Variants in PDP1 observed in about 807,000 individuals in gnomAD.
The protein encoded by PDP1 is pyruvate dehydrogenase phosphatase catalytic subunit 1.
PDP1 carries 14 observed loss-of-function variants against 37.1 expected under a neutral mutation model. The observed-to-expected ratio is 0.38, with a 90% CI of 0.25 to 0.59. The LOEUF (loss-of-function observed/expected upper bound fraction) is 0.59, where lower values mean the gene tolerates loss of function less well. Ranked by LOEUF, PDP1 falls within the 20% of genes least tolerant of loss-of-function variation. The pLI is 0.67. For missense variants in PDP1, 544 were observed against 655.3 expected (o/e 0.83, Z 1.85); for synonymous variants, 251 against 243.3 (o/e 1.03, Z -0.29).
chr8:93,920,338 A>G (rs562941501), intron 1 of PDP1, among the ~76,000 whole-genome samples: 44 of 152,258 alleles, frequency 2.9e-4, no homozygotes, highest in African/African-American at 1.0e-3. Flanking sequence ...ACATGCTATG[A>G]TATTTGTTTA....
At chr8:93,917,733 C>A in intron 1 of PDP1, 4 of 1,345,658 alleles carry the variant, frequency 3.0e-6, no homozygotes, top group Admixed American at 2.0e-5. Flanking sequence ...CTCTTCCCCC[C>A]CACCTCCCAG....
rs1345469029 is a variant in PDP1, at chr8:93,917,867, C to T, written c.-45+788C>T. 3.1e-6 allele frequency: 5 copies of T among 1,613,800 alleles called. No homozygotes were observed. The South Asian group carries it at 3.3e-5, about 11-fold the overall frequency. On this transcript the variant is annotated intron_variant, in intron 1 of 1. Transcript: ENST00000297598. ...CCGGTGCTGCTGTCGCTGCTGCTGC[C>T]CGCGCGGGTTGTGGATGTTGTCGGC... is the stretch of plus-strand genomic sequence containing the variant.
At position 93,923,529 on chromosome 8, in the gene PDP1, C is replaced by T. The variant is rs768875523; in HGVS notation, c.1470C>T (p.Asn490=). The T allele has an allele frequency of 2.1e-5, 34 of 1,608,216 alleles. No individual in the cohort carries two copies. The highest frequency in any genetic ancestry group is 1.6e-4 in the South Asian group (15 of 90,990). ...THLIRHAVGN[N]EFGTVDHERL... is the part of the protein sequence containing the mutation. ...TCATTCGCCACGCTGTGGGCAACAA[C>T]GAGTTTGGGACTGTTGATCATGAGC... Residue 490 remains asparagine, a synonymous_variant, in exon 2 of 2, where the codon AAC becomes AAT. Transcript: ENST00000297598. This position sits in a 1 kb window ranked among gnomAD's most constrained non-coding sequence, Gnocchi z 4.3.
chr8:93,923,236 C>T lies in PDP1; in HGVS notation c.1177C>T (p.Pro393Ser). ...KFIPPNYHTPPYLTAEPEVTY... is the reference protein window; with the variant it reads ...KFIPPNYHTPSYLTAEPEVTY... ...TATTCCTCCTAATTATCACACACCTCCTTATCTCACTGCTGAGCCAGAGGT... is the reference window on the plus strand; with the variant it reads ...TATTCCTCCTAATTATCACACACCTTCTTATCTCACTGCTGAGCCAGAGGT... The change falls in exon 2 of 2, where the codon CCT becomes TCT. Residue 393 changes from proline to serine, a missense_variant. Physicochemically the swap from Pro to Ser is moderately conservative, Grantham distance 74. Around this residue, in one of 5 missense-constraint regions of PDP1, gnomAD observed 35 missense variants for 36.1 expected, o/e 0.97. Transcript: ENST00000297598. This position sits in a 1 kb window ranked among gnomAD's most constrained non-coding sequence, Gnocchi z 4.3. 8 of 1,614,180 alleles carry T rather than the reference C, an allele frequency of 5.0e-6. No homozygotes were observed. Among genetic ancestry groups the T allele is most frequent in the South Asian group, 1.1e-5 (1 of 91,084 alleles).
At position 93,924,976 on chromosome 8, in the gene PDP1, ATTT is replaced by A. The variant is rs1231397713; in HGVS notation, c.*1305_*1307del. Reference sequence around the variant, plus strand: ...GGCTTTTTGATATGCATCAAGTGGCATTTTGTTCCTGTGTTTAATAGTGATCTG... The same window carrying A: ...GGCTTTTTGATATGCATCAAGTGGCATGTTCCTGTGTTTAATAGTGATCTG... On this transcript the variant is annotated 3_prime_UTR_variant, in exon 2 of 2. Transcript: ENST00000297598. 6.0e-6 allele frequency: 1 copy of A among 167,024 alleles called. No individual in the cohort carries two copies. The highest frequency in any genetic ancestry group is 2.4e-5 in the African/African-American group (1 of 41,458). The allele number at this position is 167,024 out of a possible 1,614,324, so 10.3% of individuals were successfully genotyped here.
intron 1 of PDP1, chr8:93,917,866 C>T: frequency 1.2e-6 from 2 of 1,613,776 alleles, no homozygotes; most frequent in South Asian, 1.1e-5. Context: ...GCTGCTGCTG[C>T]CCGCGCGGGT....
At chr8:93,919,098 T>C (rs1810177821) in intron 1 of PDP1, 1 of 964,728 alleles carries the variant, frequency 1.0e-6, no homozygotes, top group African/African-American at 1.8e-5. Context: ...ATCTCAAGAA[T>C]TTTTGCCTTG....
At position 93,924,394 on chromosome 8, in the gene PDP1, T is replaced by C. The variant is rs1264132201; in HGVS notation, c.*721T>C. 6.0e-6 allele frequency: 1 copy of C among 167,012 alleles called. No individual in the cohort carries two copies. Among genetic ancestry groups the C allele is most frequent in the Non-Finnish European group, 1.5e-5 (1 of 68,118 alleles). The allele number at this position is 167,012 out of a possible 1,614,324, so 10.3% of individuals were successfully genotyped here. On this transcript the variant is annotated 3_prime_UTR_variant, in exon 2 of 2. Transcript: ENST00000297598. ...AAGTTAAAGAAAGAAAAAAAGATTT[T>C]TTTATTTGTATTAATGAAAAGCTTT...
In PDP1 at chr8:93,923,482, G is replaced by A. The variant is rs749959908; in HGVS notation, c.1423G>A (p.Asp475Asn). 6 of 1,603,522 alleles carry A rather than the reference G, an allele frequency of 3.7e-6. No homozygotes were observed. The highest frequency in any genetic ancestry group is 3.4e-6 in the Non-Finnish European group (4 of 1,171,896). Residue 475 changes from aspartate (D) to asparagine (N), a missense_variant, in exon 2 of 2, where the codon GAT becomes AAT. By Grantham distance (23) the Asp-to-Asn change is conservative. Around this residue, in one of 5 missense-constraint regions of PDP1, gnomAD observed 159 missense variants for 165.5 expected, o/e 0.96. Coordinates refer to ENST00000297598, the MANE Select transcript of PDP1 (RefSeq NM_018444.4). This position sits in a 1 kb window ranked among gnomAD's most constrained non-coding sequence, Gnocchi z 4.3. ...AACCAAAATGTCCTCGGTATTTGAGGATCAGAACGCAGCAACCCATCTCAT... is the reference window on the plus strand; with the variant it reads ...AACCAAAATGTCCTCGGTATTTGAGAATCAGAACGCAGCAACCCATCTCAT... ...RRTKMSSVFE[D>N]QNAATHLIRH...
In PDP1 at chr8:93,922,396, G is replaced by T; in HGVS notation, c.337G>T (p.Asp113Tyr). 1 of 1,614,140 alleles carries T rather than the reference G, an allele frequency of 6.2e-7. No homozygotes were observed. The highest frequency in any genetic ancestry group is 1.1e-5 in the South Asian group (1 of 91,054). Reference protein sequence around the residue: ...GKNVSSILGFDSNQLPANAPI... With the variant: ...GKNVSSILGFYSNQLPANAPI... ...AAATGTCAGTTCTATCCTTGGATTT[G>T]ACAGCAATCAGCTGCCTGCAAATGC... Residue 113 changes from aspartate (D) to tyrosine (Y), a missense_variant, in exon 2 of 2, where the codon GAC becomes TAC. This residue lies in a region of PDP1 where 342 missense variants were observed against 414.0 expected (regional missense o/e 0.83). Coordinates refer to ENST00000297598, the MANE Select transcript of PDP1 (RefSeq NM_018444.4). The surrounding 1 kb of genome is among the most constrained non-coding windows in gnomAD (Gnocchi z 4.0).
Position 93,917,029 on chromosome 8 carries a change from T to C in PDP1, c.-95T>C, listed in dbSNP as rs768510527. On this transcript the variant is annotated 5_prime_UTR_variant, in exon 1 of 2. Coordinates refer to ENST00000297598, the MANE Select transcript of PDP1 (RefSeq NM_018444.4). ...GAAAGAGCGCCGAGCGGTGGCGTCG[T>C]TGTCGCCCCCTCCTCGTCGGGAAGA... 4.2e-6 allele frequency: 2 copies of C among 477,816 alleles called. No homozygotes were observed. The highest frequency in any genetic ancestry group is 2.1e-5 in the Admixed American group (1 of 46,538). The allele number at this position is 477,816 out of a possible 1,614,324, so 29.6% of individuals were successfully genotyped here. A position where few individuals can be genotyped will look rare whatever the true frequency, so the allele number is the denominator to read the frequency against.
At position 93,916,996 on chromosome 8, in the gene PDP1, G is replaced by T. The variant is rs527903830; in HGVS notation, c.-128G>T. ...GCTCGCGCTCCGGGAGCTGCACGGG[G>T]CTGCGTGGAAAGAGCGCCGAGCGGT... On this transcript the variant is annotated 5_prime_UTR_variant, in exon 1 of 2. Transcript: ENST00000297598. The T allele has an allele frequency of 1.3e-5, 6 of 476,988 alleles. No individual in the cohort carries two copies. The highest frequency in any genetic ancestry group is 9.0e-5 in the South Asian group (6 of 66,590). The allele number at this position is 476,988 out of a possible 1,614,324, so 29.5% of individuals were successfully genotyped here.
Position 93,918,620 on chromosome 8 carries a change from G to T in PDP1, c.-45+1541G>T, listed in dbSNP as rs571528154. Reference sequence around the variant, plus strand: ...TAGATCATGGAATAGGAAATTTTCCGTGAAAATTGTGATCAAGAATAACTT... The same window carrying T: ...TAGATCATGGAATAGGAAATTTTCCTTGAAAATTGTGATCAAGAATAACTT... On this transcript the variant is annotated intron_variant, in intron 1 of 1. Transcript: ENST00000297598. Among the ~76,000 whole-genome samples the T allele has an allele frequency of 2.6e-3, 396 of 152,286 alleles. 4 individuals are homozygous for T. The highest frequency in any genetic ancestry group is 4.3e-3 in the Non-Finnish European group (294 of 68,024).
rs776018911 is a variant in PDP1 at position 93,922,956 on chromosome 8, G to A, written c.897G>A (p.Gln299=). The change falls in exon 2 of 2, where the codon CAG becomes CAA. Residue 299 remains glutamine (Q), a synonymous_variant. Transcript: ENST00000297598. The surrounding 1 kb of genome is among the most constrained non-coding windows in gnomAD (Gnocchi z 4.0). ...ATAGCAGAGCCATGCTGGGTGTGCA[G>A]GAAGAGGACGGCTCATGGTCAGCAG... ...TGDSRAMLGV[Q]EEDGSWSAVT... 2.5e-6 allele frequency: 4 copies of A among 1,614,156 alleles called. No individual in the cohort carries two copies. The South Asian group carries it at 4.4e-5, about 18-fold the overall frequency.
At chr8:93,918,095 T>G in intron 1 of PDP1, 2 of 855,090 alleles carry the variant, frequency 2.3e-6, no homozygotes, top group Non-Finnish European at 1.8e-6. Flanking sequence ...GAGATAGCTT[T>G]GATGTCTTTG....
chr8:93,923,333 A>G lies in PDP1; in HGVS notation c.1274A>G (p.His425Arg), dbSNP rs200222464. The change falls in exon 2 of 2, where the codon CAT becomes CGT. Residue 425 changes from histidine to arginine, a missense_variant. Coordinates refer to ENST00000297598, the MANE Select transcript of PDP1 (RefSeq NM_018444.4). The surrounding 1 kb of genome is among the most constrained non-coding windows in gnomAD (Gnocchi z 4.3). ...LATDGLWETM[H>R]RQDVVRIVGE... is the part of the protein sequence containing the mutation. ...ACTGATGGGTTGTGGGAGACTATGC[A>G]TAGGCAGGATGTGGTTAGGATTGTG... 2.0e-5 allele frequency: 32 copies of G among 1,614,186 alleles called. No homozygotes were observed. In the Admixed American group the frequency reaches 2.0e-4, roughly 10 times the overall value.
In PDP1 at chr8:93,916,964, G is replaced by T. The variant is rs759405446; in HGVS notation, c.-160G>T. The T allele has an allele frequency of 2.8e-5, 13 of 458,906 alleles. No individual in the cohort carries two copies. The highest frequency in any genetic ancestry group is 9.4e-5 in the South Asian group (6 of 63,812). The allele number at this position is 458,906 out of a possible 1,614,324, so 28.4% of individuals were successfully genotyped here. A position where few individuals can be genotyped will look rare whatever the true frequency, so the allele number is the denominator to read the frequency against. On this transcript the variant is annotated 5_prime_UTR_variant, in exon 1 of 2. Coordinates refer to ENST00000297598, the MANE Select transcript of PDP1 (RefSeq NM_018444.4). ...AGGGGAGCAGAGTGGGCAGGCCGGG[G>T]GTGAGGGCTCGCGCTCCGGGAGCTG...
chr8:93,923,785 CT>C lies in PDP1; in HGVS notation c.*116del. Reference sequence around the variant, plus strand: ...CAGTTGGTCATTCTAAGCATTTACCCTTTTGATACTCTAGCTAGTCAGGTAC... The same window carrying C: ...CAGTTGGTCATTCTAAGCATTTACCCTTTGATACTCTAGCTAGTCAGGTAC... On this transcript the variant is annotated 3_prime_UTR_variant, in exon 2 of 2. Coordinates refer to ENST00000297598, the MANE Select transcript of PDP1 (RefSeq NM_018444.4). The surrounding 1 kb of genome is among the most constrained non-coding windows in gnomAD (Gnocchi z 4.3). The C allele has an allele frequency of 1.1e-6, 1 of 925,020 alleles. No homozygotes were observed. Among genetic ancestry groups the C allele is most frequent in the East Asian group, 2.5e-5 (1 of 39,340 alleles). 57.3% of individuals were successfully genotyped at this position (925,020 alleles called of 1,614,324 possible). A position where few individuals can be genotyped will look rare whatever the true frequency, so the allele number is the denominator to read the frequency against.
chr8:93,924,005 C>A lies in PDP1; in HGVS notation c.*332C>A, dbSNP rs1810368579. On this transcript the variant is annotated 3_prime_UTR_variant, in exon 2 of 2. Transcript: ENST00000297598. ...TCTTGAATAGGCCAAAAGCAAGTATCTTGCTGTGTGTAGTCTCTTGGTTAA... is the reference window on the plus strand; with the variant it reads ...TCTTGAATAGGCCAAAAGCAAGTATATTGCTGTGTGTAGTCTCTTGGTTAA... 3 of 361,792 alleles carry A rather than the reference C, an allele frequency of 8.3e-6. No individual in the cohort carries two copies. The highest frequency in any genetic ancestry group is 1.1e-5 in the Non-Finnish European group (2 of 178,456). 22.4% of individuals were successfully genotyped at this position (361,792 alleles called of 1,614,324 possible). A position where few individuals can be genotyped will look rare whatever the true frequency, so the allele number is the denominator to read the frequency against.
Sources: gnomAD v4.1 joint callset for allele counts (sites outside exome capture counted in the v4.1 genomes callset) on GRCh38, gnomAD v4.1.1 for gene constraint, gnomAD v4.1.1 regional missense constraint, Gnocchi (gnomAD v3.1) non-coding constraint, MANE v1.5 for transcripts, NCBI Gene and HGNC (gene_info 2026-07-23, HGNC 2026-07-21) for gene names.